Variants in NRG3 observed in about 807,000 individuals in gnomAD.
NRG3 encodes the protein pro-neuregulin-3, membrane-bound isoform.
In NRG3, 31 loss-of-function variants were observed where a neutral mutation model predicts 66.9. That is an observed-to-expected ratio of 0.46 (90% confidence interval 0.35 to 0.63). The LOEUF (loss-of-function observed/expected upper bound fraction) is 0.63, where lower values mean the gene tolerates loss of function less well. Ranked by LOEUF, NRG3 falls within the 20% of genes least tolerant of loss-of-function variation. NRG3 has a pLI of 0.00. For missense variants in NRG3, 910 were observed against 878.9 expected, an observed-to-expected ratio of 1.04 and a Z score of -0.45; for synonymous variants, 393 against 359.4, an observed-to-expected ratio of 1.09 and a Z score of -1.06.
At chr10:82,005,918 T>TGC (rs1013135815) in intron 1 of NRG3, among the ~76,000 whole-genome samples, 1 of 151,978 alleles carries the variant, frequency 6.6e-6, no homozygotes, top group African/African-American at 2.4e-5. Context: ...TGTGTGTGTG[T>TGC]GTGTGAATCA....
intron 2 of NRG3, among the ~76,000 whole-genome samples, chr10:82,430,032 G>T (rs1161740779): frequency 6.6e-6 from 1 of 152,022 alleles, no homozygotes; most frequent in East Asian, 1.9e-4. Context: ...TTTTATAGTT[G>T]CTAATCCTTT....
At chr10:82,143,187 G>C (rs2069952338) in intron 1 of NRG3, among the ~76,000 whole-genome samples, 1 of 152,042 alleles carries the variant, frequency 6.6e-6, no homozygotes, top group South Asian at 2.1e-4. Context: ...TGAAATGATG[G>C]CACAGATTGA....
In NRG3 at chr10:82,046,320, C is replaced by G. The variant is rs556074516; in HGVS notation, c.823+170157C>G. ...ATTGGATTCCTAGGTATTATATTCTCTTTGAAGCAATTGTGAATGGGAGTT... is the reference window on the plus strand; with the variant it reads ...ATTGGATTCCTAGGTATTATATTCTGTTTGAAGCAATTGTGAATGGGAGTT... On this transcript the variant is annotated intron_variant, in intron 1 of 8. Transcript: ENST00000372141. Among the ~76,000 whole-genome samples, 2 of 42,704 alleles carry G rather than the reference C, an allele frequency of 4.7e-5. 1 individual carries two copies. Among genetic ancestry groups the G allele is most frequent in the African/African-American group, 8.7e-5 (2 of 23,042 alleles). The allele number at this position is 42,704 out of a possible 152,430, so 28.0% of individuals were successfully genotyped here. A position where few individuals can be genotyped will look rare whatever the true frequency, so the allele number is the denominator to read the frequency against.
At chr10:82,151,233 C>T (rs933719355) in intron 1 of NRG3, among the ~76,000 whole-genome samples, 3 of 152,166 alleles carry the variant, frequency 2.0e-5, no homozygotes, top group Non-Finnish European at 4.4e-5. Context: ...AGTGTCAGGG[C>T]CAGGCACACA....
intron 2 of NRG3, among the ~76,000 whole-genome samples, chr10:82,394,258 T>A (rs1177119398): frequency 2.6e-5 from 4 of 152,182 alleles, no homozygotes; most frequent in Non-Finnish European, 5.9e-5. Context: ...AAGGAACAGA[T>A]GCAGGAGCAC....
intron 1 of NRG3, among the ~76,000 whole-genome samples, chr10:81,894,817 A>G (rs1229879475): frequency 1.3e-5 from 2 of 152,088 alleles, no homozygotes; most frequent in African/African-American, 4.8e-5. Flanking sequence ...AGTGTGGCCT[A>G]TGCTGCTCTG....
At chr10:82,643,875 GAC>G (rs1195514081) in intron 2 of NRG3, among the ~76,000 whole-genome samples, 1 of 97,896 alleles carries the variant, frequency 1.0e-5, no homozygotes, top group Non-Finnish European at 2.0e-5. Context: ...CTCTGTCTCT[GAC>G]ACACACGCGC....
chr10:82,658,468 T>C (rs1191169598), intron 2 of NRG3, among the ~76,000 whole-genome samples: 1 of 152,158 alleles, frequency 6.6e-6, no homozygotes, highest in African/African-American at 2.4e-5. Flanking sequence ...AGAAGTTTGT[T>C]CCTTAAGATC....
chr10:82,401,619 T>A (rs1455441382), intron 2 of NRG3, among the ~76,000 whole-genome samples: 1 of 152,110 alleles, frequency 6.6e-6, no homozygotes, highest in African/African-American at 2.4e-5. Context: ...TTGATTTGCT[T>A]CTCTACTTGT....
intron 2 of NRG3, among the ~76,000 whole-genome samples, chr10:82,570,935 A>G (rs2045692829): frequency 6.6e-6 from 1 of 151,656 alleles, no homozygotes; most frequent in African/African-American, 2.4e-5. Context: ...GGAAAATTTC[A>G]GAGTACTCAA....
chr10:82,662,793 G>A (rs1353848438), intron 2 of NRG3, among the ~76,000 whole-genome samples: 1 of 152,134 alleles, frequency 6.6e-6, no homozygotes. Flanking sequence ...AGAACCTGAG[G>A]TAAGAGTCAA....
At chr10:82,698,802 C>CT (rs34960200) in intron 2 of NRG3, among the ~76,000 whole-genome samples, 86,782 of 151,960 alleles carry the variant, frequency 0.57, 27,352 homozygotes, top group East Asian at 0.73. Flanking sequence ...AATGTATTTG[C>CT]GTCAGTACTG....
intron 2 of NRG3, among the ~76,000 whole-genome samples, chr10:82,719,798 A>G (rs2057187665): frequency 6.6e-6 from 1 of 151,978 alleles, no homozygotes; most frequent in Admixed American, 6.6e-5. Context: ...CTGTGTAGTC[A>G]ATTGCCTTTA....
At chr10:82,041,411 T>C (rs760712068) in intron 1 of NRG3, among the ~76,000 whole-genome samples, 6 of 152,006 alleles carry the variant, frequency 3.9e-5, no homozygotes, top group Non-Finnish European at 7.4e-5. Context: ...TGACCAATAT[T>C]ATATTTACTT....
At chr10:82,527,615 A>G (rs538100672) in intron 2 of NRG3, among the ~76,000 whole-genome samples, 1 of 152,316 alleles carries the variant, frequency 6.6e-6, no homozygotes, top group African/African-American at 2.4e-5. Context: ...AGTAGCTTTC[A>G]GCCAAAAGGG....
At chr10:82,546,823 A>C (rs576978504) in intron 2 of NRG3, among the ~76,000 whole-genome samples, 1 of 152,218 alleles carries the variant, frequency 6.6e-6, no homozygotes, top group Non-Finnish European at 1.5e-5. Context: ...ATGGAATTGC[A>C]TATCATGTAC....
intron 2 of NRG3, among the ~76,000 whole-genome samples, chr10:82,553,059 A>ACC (rs1001651170): frequency 5.3e-5 from 8 of 150,752 alleles, no homozygotes; most frequent in African/African-American, 2.0e-4. Flanking sequence ...ACACACACAC[A>ACC]CCCCTTTATG....
At chr10:82,230,718 A>G (rs559265533) in intron 1 of NRG3, among the ~76,000 whole-genome samples, 1 of 152,332 alleles carries the variant, frequency 6.6e-6, no homozygotes, top group East Asian at 1.9e-4. Flanking sequence ...AATTATGTTT[A>G]CAGAACAGAA....
At chr10:81,916,922 A>G (rs967702112) in intron 1 of NRG3, among the ~76,000 whole-genome samples, 10 of 152,242 alleles carry the variant, frequency 6.6e-5, no homozygotes, top group Non-Finnish European at 1.2e-4. Flanking sequence ...CCATTAATTA[A>G]TGATGAAATT....
Sources: gnomAD v4.1 joint callset for allele counts (sites outside exome capture counted in the v4.1 genomes callset) on GRCh38, gnomAD v4.1.1 for gene constraint, MANE v1.5 for transcripts, NCBI Gene and HGNC (gene_info 2026-07-23, HGNC 2026-07-21) for gene names.